The following ZNF469 variants were observed in gnomAD, a reference collection of about 807,000 sequenced individuals.
ZNF469 encodes zinc finger protein 469.
Under a neutral mutation model 1.0 loss-of-function variants are expected in ZNF469, and 1 was observed. The observed-to-expected ratio is 1.00, with a 90% CI of 0.35 to 4.73. The LOEUF (loss-of-function observed/expected upper bound fraction) is 4.73, where lower values mean the gene tolerates loss of function less well. Among genes scored for constraint, ZNF469 ranks in the 30% most tolerant of loss-of-function variants. The pLI, the probability that ZNF469 is intolerant of heterozygous loss-of-function variation, is 0.16. For synonymous variants in ZNF469, 2,703 were observed against 2,363.4 expected, an observed-to-expected ratio of 1.14 and a Z score of -4.17; for missense variants, 6,100 against 5,356.3, an observed-to-expected ratio of 1.14 and a Z score of -4.33.
chr16:88,222,064 T>G, the ZNF469 span, among the ~76,000 whole-genome samples: 1 of 152,186 alleles, frequency 6.6e-6, no homozygotes, highest in South Asian at 2.1e-4. Flanking sequence ...CTCTCACACT[T>G]TCTGAGCTGA....
intron 1 of ZNF469, among the ~76,000 whole-genome samples, chr16:88,423,223 A>G (rs1905561473): frequency 7.1e-6 from 1 of 140,204 alleles, no homozygotes; most frequent in Non-Finnish European, 1.6e-5. Context: ...GGATGGATGG[A>G]TAGGTGGGTG....
At chr16:88,143,542 C>G in the ZNF469 span, among the ~76,000 whole-genome samples, 3 of 152,276 alleles carry the variant, frequency 2.0e-5, no homozygotes, top group South Asian at 2.1e-4. Context: ...CTGCTCCCCC[C>G]ATGCGTGGCC....
intron 1 of ZNF469, among the ~76,000 whole-genome samples, chr16:88,421,515 G>A (rs773082829): frequency 7.2e-5 from 11 of 152,188 alleles, no homozygotes; most frequent in East Asian, 1.9e-4. Flanking sequence ...GGACTGGGAC[G>A]CGTCCCCGAG....
At chr16:88,132,120 G>C in the ZNF469 span, among the ~76,000 whole-genome samples, 5 of 152,212 alleles carry the variant, frequency 3.3e-5, no homozygotes, top group African/African-American at 1.2e-4. Flanking sequence ...GGACATCGCT[G>C]TCTGTGGCCC....
At chr16:88,294,005 C>G in the ZNF469 span, among the ~76,000 whole-genome samples, 1 of 152,210 alleles carries the variant, frequency 6.6e-6, no homozygotes, top group African/African-American at 2.4e-5. Flanking sequence ...GCTCTCTGCC[C>G]AGCTCCGAGT....
chr16:88,105,957 G>C, the ZNF469 span, among the ~76,000 whole-genome samples: 1 of 152,240 alleles, frequency 6.6e-6, no homozygotes, highest in Non-Finnish European at 1.5e-5. Flanking sequence ...GCTCCATCAT[G>C]GTTGCAAGCT....
At chr16:88,241,443 T>C in the ZNF469 span, among the ~76,000 whole-genome samples, 2 of 151,544 alleles carry the variant, frequency 1.3e-5, no homozygotes, top group African/African-American at 4.9e-5. The surrounding 1 kb of genome is among the most constrained non-coding windows in gnomAD (Gnocchi z 4.8). Flanking sequence ...CCAGACTTGG[T>C]GGCAGCTCTG....
At chr16:88,178,664 A>G in the ZNF469 span, 1 of 152,220 alleles carries the variant, frequency 6.6e-6, no homozygotes, top group Non-Finnish European at 1.5e-5. Flanking sequence ...AGCAAAAAAC[A>G]ATATTTTGTA....
the ZNF469 span, among the ~76,000 whole-genome samples, chr16:88,274,893 A>G: frequency 6.6e-6 from 1 of 152,242 alleles, no homozygotes. Flanking sequence ...ATGGGGCAGC[A>G]CTGGCCCCCA....
At chr16:88,211,973 TGATTATGGTGGTTATTTGTG>T in the ZNF469 span, among the ~76,000 whole-genome samples, 2 of 152,162 alleles carry the variant, frequency 1.3e-5, no homozygotes, top group Non-Finnish European at 2.9e-5. Flanking sequence ...ATTTGTCCAG[TGATTATGGTGGTTATTTGTG>T]GAACAGCTGG....
the ZNF469 span, among the ~76,000 whole-genome samples, chr16:88,250,144 C>T: frequency 1.3e-5 from 2 of 152,190 alleles, no homozygotes. Flanking sequence ...ACAAAGCCAC[C>T]AATCAGATCA....
chr16:88,421,233 C>T (rs941020647), intron 1 of ZNF469, among the ~76,000 whole-genome samples: 4 of 152,192 alleles, frequency 2.6e-5, no homozygotes, highest in African/African-American at 9.7e-5. Context: ...CAGCCAGAGC[C>T]ACCCCAACCT....
At chr16:88,109,843 G>A in the ZNF469 span, among the ~76,000 whole-genome samples, 5 of 152,306 alleles carry the variant, frequency 3.3e-5, no homozygotes, top group African/African-American at 7.2e-5. Flanking sequence ...CTGTGTCCAC[G>A]CTGTCTCCTC....
the ZNF469 span, among the ~76,000 whole-genome samples, chr16:88,370,017 T>C: frequency 1.3e-5 from 2 of 152,246 alleles, no homozygotes; most frequent in Admixed American, 1.3e-4. Flanking sequence ...TACACAAAGT[T>C]TGGACACTCC....
the ZNF469 span, among the ~76,000 whole-genome samples, chr16:88,280,401 C>T: frequency 0.25 from 37,837 of 151,580 alleles, 5,215 homozygotes; most frequent in East Asian, 0.43. Context: ...GCCACACCAA[C>T]GCTTAGTCAG....
the ZNF469 span, among the ~76,000 whole-genome samples, chr16:88,117,908 AG>A: frequency 6.6e-6 from 1 of 152,228 alleles, no homozygotes; most frequent in Non-Finnish European, 1.5e-5. Flanking sequence ...GCAGAGCAGG[AG>A]GAGGAGCACG....
Position 88,429,440 on chromosome 16 carries a change from T to G in ZNF469, c.1970T>G (p.Leu657Arg). Residue 657 changes from leucine (L) to arginine (R), a missense_variant, in exon 3 of 3, where the codon CTC becomes CGC. By Grantham distance (102) the Leu-to-Arg change is moderately radical. Transcript: ENST00000565624. ...PFPSPEPPHS[L>R]PTHYQPEPAK... The stretch of plus-strand genomic sequence containing the variant: ...CCGTCCCCGGAGCCCCCCCACTCCC[T>G]CCCCACCCACTACCAGCCAGAGCCA... The G allele has an allele frequency of 4.5e-6, 2 of 441,004 alleles. No homozygotes were observed. The highest frequency in any genetic ancestry group is 6.5e-6 in the Non-Finnish European group (2 of 309,694). 27.3% of individuals were successfully genotyped at this position (441,004 alleles called of 1,614,324 possible). A position where few individuals can be genotyped will look rare whatever the true frequency, so the allele number is the denominator to read the frequency against.
At chr16:88,203,996 C>A in the ZNF469 span, among the ~76,000 whole-genome samples, 1 of 151,864 alleles carries the variant, frequency 6.6e-6, no homozygotes. Flanking sequence ...ATGAACCCCA[C>A]AGAGTGGCCA....
At chr16:88,160,291 T>A in the ZNF469 span, among the ~76,000 whole-genome samples, 1 of 152,218 alleles carries the variant, frequency 6.6e-6, no homozygotes, top group African/African-American at 2.4e-5. Flanking sequence ...ATTATCTCTC[T>A]AGAATGTAAC....
Sources: allele counts gnomAD v4.1 joint callset (sites outside exome capture counted in the v4.1 genomes callset), GRCh38; gene constraint gnomAD v4.1.1; non-coding constraint Gnocchi (gnomAD v3.1); transcripts MANE v1.5; gene names NCBI Gene and HGNC (gene_info 2026-07-23, HGNC 2026-07-21).